The following ACOT12 variants were observed in gnomAD, a reference collection of about 807,000 sequenced individuals.
ACOT12 encodes the protein acetyl-coenzyme A thioesterase.
ACOT12 carries 51 observed loss-of-function variants against 67.7 expected under a neutral mutation model. The ratio of observed to expected loss-of-function variants is 0.75; its 90% CI spans 0.60 to 0.95. The LOEUF (loss-of-function observed/expected upper bound fraction) is 0.95. Ranked by LOEUF, ACOT12 falls within the 40% of genes least tolerant of loss-of-function variation. The pLI, the probability that ACOT12 is intolerant of heterozygous loss-of-function variation, is 0.00. For missense variants in ACOT12, 734 were observed against 708.1 expected (o/e 1.04, Z -0.41); for synonymous variants, 251 against 244.6 (o/e 1.03, Z -0.24).
Position 81,363,020 on chromosome 5 carries a change from A to G in ACOT12, c.360+768T>C, listed in dbSNP as rs117931785. ...GGAGCTTGAGACCAACCTGACCAAC[A>G]TGACTCCTCCTTGCTTCAGAGTAGA... On this transcript the variant is annotated intron_variant, in intron 4 of 14. Coordinates refer to ENST00000307624, the MANE Select transcript of ACOT12 (RefSeq NM_130767.3). Among the ~76,000 whole-genome samples, 115 of 152,290 alleles carry G rather than the reference A, an allele frequency of 7.6e-4. 4 individuals carry two copies. In the East Asian group the frequency reaches 0.022, roughly 29 times the overall value.
intron 5 of ACOT12, among the ~76,000 whole-genome samples, chr5:81,358,716 G>A (rs1279769297): frequency 6.6e-6 from 1 of 152,142 alleles, no homozygotes; most frequent in Non-Finnish European, 1.5e-5. Context: ...GGGCGTGGTG[G>A]CACGCGCCTA....
chr5:81,321,325 GACAA>G, the ACOT12 span, among the ~76,000 whole-genome samples: 2 of 152,142 alleles, frequency 1.3e-5, no homozygotes, highest in East Asian at 1.9e-4. Context: ...TGGTAGAAAG[GACAA>G]ACAAACTCCT....
At chr5:81,376,844 T>G in intron 2 of ACOT12, among the ~76,000 whole-genome samples, 1 of 152,146 alleles carries the variant, frequency 6.6e-6, no homozygotes, top group East Asian at 1.9e-4. Context: ...GAGGCAGTAA[T>G]TAATAGCCTA....
At position 81,385,747 on chromosome 5, in the gene ACOT12, T is replaced by A; in HGVS notation, c.197+10A>T. The A allele has an allele frequency of 6.2e-7, 1 of 1,613,660 alleles. No homozygotes were observed. The highest frequency in any genetic ancestry group is 1.1e-5 in the South Asian group (1 of 91,040). ...CCAGGAGAAAGGAGCCATGGAGCAA[T>A]GTCACTTACCTAGCTGTCTCCTCAA... On this transcript the variant is annotated intron_variant, in intron 2 of 14. Coordinates refer to ENST00000307624, the MANE Select transcript of ACOT12 (RefSeq NM_130767.3).
At position 81,345,927 on chromosome 5, in the gene ACOT12, C is replaced by G. The variant is rs199607014; in HGVS notation, c.731G>C (p.Arg244Pro). 55 of 1,613,854 alleles carry G rather than the reference C, an allele frequency of 3.4e-5. No homozygotes were observed. Among genetic ancestry groups the G allele is most frequent in the Non-Finnish European group, 4.2e-5 (50 of 1,179,924 alleles). The change falls in exon 7 of 15, where the codon CGT becomes CCT. Residue 244 changes from arginine (R) to proline (P), a missense_variant. Coordinates refer to ENST00000307624, the MANE Select transcript of ACOT12 (RefSeq NM_130767.3). Reference protein sequence around the residue: ...KFRGPSTVGDRLVFTAIVNNT... With the variant: ...KFRGPSTVGDPLVFTAIVNNT... Reference sequence around the variant, plus strand: ...GTTGACAATGGCAGTGAAGACAAGACGATCTCCAACTGTAGATGGTCCCCG... The same window carrying G: ...GTTGACAATGGCAGTGAAGACAAGAGGATCTCCAACTGTAGATGGTCCCCG...
chr5:81,328,968 T>C (rs2153840371), downstream of ACOT12, among the ~76,000 whole-genome samples: 1 of 152,302 alleles, frequency 6.6e-6, no homozygotes, highest in Middle Eastern at 3.4e-3. Context: ...ATTTTTGAAA[T>C]TTATTTAATT....
At chr5:81,328,156 C>T (rs1273247133), downstream of ACOT12, among the ~76,000 whole-genome samples, 1 of 152,136 alleles carries the variant, frequency 6.6e-6, no homozygotes, top group African/African-American at 2.4e-5. Context: ...TCCAGAGATC[C>T]TCAGCCCACT....
intron 2 of ACOT12, among the ~76,000 whole-genome samples, chr5:81,380,918 T>C (rs1760564388): frequency 6.6e-6 from 1 of 152,194 alleles, no homozygotes; most frequent in Non-Finnish European, 1.5e-5. Context: ...ACCTAGGCTA[T>C]ACGGTATAGC....
intron 4 of ACOT12, 148 bp downstream of exon 4, chr5:81,363,640 T>C: frequency 1.9e-6 from 1 of 534,414 alleles, no homozygotes; most frequent in Non-Finnish European, 3.2e-6. Flanking sequence ...GAGTGATAAC[T>C]TTTGCAATAA....
intron 2 of ACOT12, among the ~76,000 whole-genome samples, chr5:81,383,961 G>A (rs974088698): frequency 1.3e-5 from 2 of 151,982 alleles, no homozygotes; most frequent in African/African-American, 4.8e-5. Context: ...TAAATTTGGT[G>A]TAGCCTAAGT....
At chr5:81,358,389 G>A (rs1759790955) in intron 5 of ACOT12, among the ~76,000 whole-genome samples, 1 of 152,172 alleles carries the variant, frequency 6.6e-6, no homozygotes. Context: ...TGTCTCACCT[G>A]CCTCAGGGTG....
At chr5:81,377,897 A>T (rs926890378) in intron 2 of ACOT12, among the ~76,000 whole-genome samples, 2 of 152,226 alleles carry the variant, frequency 1.3e-5, no homozygotes, top group Non-Finnish European at 2.9e-5. Context: ...GTATCATGAA[A>T]ATGGCCATAC....
At chr5:81,362,474 T>C (rs1759945273) in intron 4 of ACOT12, among the ~76,000 whole-genome samples, 1 of 152,164 alleles carries the variant, frequency 6.6e-6, no homozygotes. Flanking sequence ...CCGACTATTA[T>C]ATTCTTATTC....
At chr5:81,345,438 A>G (rs765032082) in intron 7 of ACOT12, among the ~76,000 whole-genome samples, 12 of 152,194 alleles carry the variant, frequency 7.9e-5, no homozygotes, top group Non-Finnish European at 1.8e-4. Flanking sequence ...GGAAACACAG[A>G]TATTCATTTT....
intron 4 of ACOT12, 87 bp from the exon 5 acceptor site, chr5:81,360,125 A>T: frequency 7.4e-7 from 1 of 1,349,830 alleles, no homozygotes; most frequent in Non-Finnish European, 1.0e-6. Context: ...GATATGCTAC[A>T]TGGTTTTCTA....
At chr5:81,324,079 T>C in the ACOT12 span, among the ~76,000 whole-genome samples, 1 of 151,918 alleles carries the variant, frequency 6.6e-6, no homozygotes, top group African/African-American at 2.4e-5. Flanking sequence ...GCAGCTGGGA[T>C]TACAGGCATG....
the ACOT12 span, among the ~76,000 whole-genome samples, chr5:81,312,093 G>T: frequency 6.6e-6 from 1 of 152,328 alleles, no homozygotes; most frequent in South Asian, 2.1e-4. Context: ...CAGTGAGATT[G>T]AAATGATGAA....
chr5:81,351,497 T>C (rs986995470), intron 5 of ACOT12, among the ~76,000 whole-genome samples: 5 of 152,080 alleles, frequency 3.3e-5, no homozygotes, highest in Non-Finnish European at 4.4e-5. Context: ...AGAACATACA[T>C]TGGGGAAAGG....
chr5:81,339,683 CG>C (rs1240940909), intron 11 of ACOT12, among the ~76,000 whole-genome samples: 1 of 152,130 alleles, frequency 6.6e-6, no homozygotes, highest in Non-Finnish European at 1.5e-5. Context: ...TGTTAATAAA[CG>C]ACCTTATAAT....
Sources: allele counts gnomAD v4.1 joint callset (sites outside exome capture counted in the v4.1 genomes callset), GRCh38; gene constraint gnomAD v4.1.1; transcripts MANE v1.5; gene names NCBI Gene and HGNC (gene_info 2026-07-23, HGNC 2026-07-21).